The following ATP1B2 variants were observed in gnomAD, a reference collection of about 807,000 sequenced individuals.
ATP1B2 encodes the protein ATPase Na+/K+ transporting subunit beta 2.
Under a neutral mutation model 37.3 loss-of-function variants are expected in ATP1B2, and 12 were observed. The ratio of observed to expected loss-of-function variants is 0.32; its 90% CI spans 0.21 to 0.52. ATP1B2 has a LOEUF of 0.52. ATP1B2 is among the 20% of genes least tolerant of loss of function. ATP1B2 has a pLI of 0.96. For missense variants in ATP1B2, 324 were observed against 391.6 expected, an observed-to-expected ratio of 0.83 and a Z score of 1.46; for synonymous variants, 139 against 140.5, an observed-to-expected ratio of 0.99 and a Z score of 0.07.
chr17:7,650,312 G>A (rs964674919), upstream of ATP1B2, among the ~76,000 whole-genome samples: 3 of 152,126 alleles, frequency 2.0e-5, no homozygotes, highest in Admixed American at 2.0e-4. Context: ...AGATGGGGAA[G>A]CCTCTGCACG....
Position 7,654,870 on chromosome 17 carries a change from ACTC to A in ATP1B2, c.609+190_609+192del, listed in dbSNP as rs2072639545. ...GTAGCTTGAACTCCGAGGGCCCCGC[ACTC>A]CTCTTGCTTCTCTCTGGGATGCAGA... is the stretch of plus-strand genomic sequence containing the variant. On this transcript the variant is annotated intron_variant, in intron 5 of 6. Transcript: ENST00000250111. This position sits in a 1 kb window ranked among gnomAD's most constrained non-coding sequence, Gnocchi z 4.9. 11 of 618,162 alleles carry A rather than the reference ACTC, an allele frequency of 1.8e-5. No individual in the cohort carries two copies. The South Asian group carries it at 2.2e-4, about 12-fold the overall frequency. 38.3% of individuals were successfully genotyped at this position (618,162 alleles called of 1,614,324 possible).
chr17:7,651,280 C>A lies in ATP1B2; in HGVS notation c.-239C>A, dbSNP rs2072610213. ...TATTCTCCCCTGCTCTGACAGCACC[C>A]CTTTTCATCGCAGTTGGGGGGCCTA... On this transcript the variant is annotated 5_prime_UTR_variant, in exon 1 of 7. Coordinates refer to ENST00000250111, the MANE Select transcript of ATP1B2 (RefSeq NM_001678.5). 1 of 540,280 alleles carries A rather than the reference C, an allele frequency of 1.9e-6. No homozygotes were observed. The highest frequency in any genetic ancestry group is 3.1e-5 in the Admixed American group (1 of 31,780). The allele number at this position is 540,280 out of a possible 1,614,324, so 33.5% of individuals were successfully genotyped here. A position where few individuals can be genotyped will look rare whatever the true frequency, so the allele number is the denominator to read the frequency against.
At position 7,654,560 on chromosome 17, in the gene ATP1B2, C is replaced by A; in HGVS notation, c.553-68C>A. The A allele has an allele frequency of 6.5e-7, 1 of 1,538,040 alleles. No homozygotes were observed. The highest frequency in any genetic ancestry group is 9.0e-7 in the Non-Finnish European group (1 of 1,111,132). The stretch of plus-strand genomic sequence containing the variant: ...GTTGGGACTACAGTCCCCGGCTTAG[C>A]TTGGTCTGGATGCCCATCTTCGACA... On this transcript the variant is annotated intron_variant, in intron 4 of 6. Transcript: ENST00000250111. The surrounding 1 kb of genome is among the most constrained non-coding windows in gnomAD (Gnocchi z 4.9).
At position 7,655,587 on chromosome 17, in the gene ATP1B2, G is replaced by C. The variant is rs529731078; in HGVS notation, c.670G>C (p.Asp224His). ...FVMFPANGNI[D>H]LMYFPYYGKK... ...CATGTTCCCCGCCAACGGCAACATC[G>C]ACCTCATGTACTTCCCCTACTATGG... The change falls in exon 6 of 7, where the codon GAC (aspartate) becomes CAC (histidine). Residue 224 changes from aspartate to histidine, a missense_variant. Coordinates refer to ENST00000250111, the MANE Select transcript of ATP1B2 (RefSeq NM_001678.5). The surrounding 1 kb of genome is among the most constrained non-coding windows in gnomAD (Gnocchi z 4.4). 1 of 1,614,086 alleles carries C rather than the reference G, an allele frequency of 6.2e-7. No individual in the cohort carries two copies. The highest frequency in any genetic ancestry group is 1.7e-5 in the Admixed American group (1 of 60,004).
intron 1 of ATP1B2, among the ~76,000 whole-genome samples, chr17:7,652,681 G>A (rs910897161): frequency 6.6e-6 from 1 of 152,126 alleles, no homozygotes; most frequent in Admixed American, 6.5e-5. Flanking sequence ...GGGAACAGCC[G>A]GCCCTTGGGT....
At chr17:7,648,997 G>A (rs1313736833), upstream of ATP1B2, among the ~76,000 whole-genome samples, 3 of 152,052 alleles carry the variant, frequency 2.0e-5, no homozygotes, top group Admixed American at 6.6e-5. Context: ...CTTTGTCCTG[G>A]AAGACTACCT....
rs1308550325 is a variant in ATP1B2, at chr17:7,657,003, C to T, written c.*1108C>T. On this transcript the variant is annotated 3_prime_UTR_variant, in exon 7 of 7. Coordinates refer to ENST00000250111, the MANE Select transcript of ATP1B2 (RefSeq NM_001678.5). ...GCCTTCAGTTTCTTCCTAGGCCGTT[C>T]TGTCACCCAAATAGCTGCTACCCAG... The T allele has an allele frequency of 6.6e-6, 1 of 152,194 alleles. No homozygotes were observed. The highest frequency in any genetic ancestry group is 1.5e-5 in the Non-Finnish European group (1 of 68,088). The allele number at this position is 152,194 out of a possible 1,614,324, so 9.4% of individuals were successfully genotyped here. A position where few individuals can be genotyped will look rare whatever the true frequency, so the allele number is the denominator to read the frequency against.
rs751214466 is a variant in ATP1B2 at position 7,655,601 on chromosome 17, C to T, written c.684C>T (p.Phe228=). The change falls in exon 6 of 7, where the codon TTC becomes TTT. Residue 228 remains phenylalanine (F), a synonymous_variant. Transcript: ENST00000250111. This position sits in a 1 kb window ranked among gnomAD's most constrained non-coding sequence, Gnocchi z 4.4. Reference sequence around the variant, plus strand: ...ACGGCAACATCGACCTCATGTACTTCCCCTACTATGGCAAAAAGTTCCACG... The same window carrying T: ...ACGGCAACATCGACCTCATGTACTTTCCCTACTATGGCAAAAAGTTCCACG... ...PANGNIDLMY[F]PYYGKKFHVN... The T allele has an allele frequency of 1.7e-5, 27 of 1,614,198 alleles. No individual in the cohort carries two copies. The highest frequency in any genetic ancestry group is 7.7e-5 in the South Asian group (7 of 91,086).
intron 2 of ATP1B2, 77 bp downstream of exon 2, chr17:7,653,579 C>T (rs1477830496): frequency 6.4e-7 from 1 of 1,572,018 alleles, no homozygotes; most frequent in East Asian, 2.2e-5. Context: ...ACTCATAGTT[C>T]CTTCCAGGAG....
intron 3 of ATP1B2, 45 bp downstream of exon 3, chr17:7,653,990 G>C: frequency 1.9e-6 from 3 of 1,613,196 alleles, no homozygotes. Context: ...CTTCGGGCAG[G>C]GGACTGGGGA....
upstream of ATP1B2, among the ~76,000 whole-genome samples, chr17:7,647,212 A>G (rs1334853933): frequency 1.3e-5 from 2 of 151,958 alleles, no homozygotes; most frequent in Non-Finnish European, 2.9e-5. Flanking sequence ...ATGGCATTGT[A>G]GGAGGCATGG....
upstream of ATP1B2, among the ~76,000 whole-genome samples, chr17:7,649,393 T>C (rs903977903): frequency 1.3e-5 from 2 of 151,356 alleles, no homozygotes; most frequent in African/African-American, 4.9e-5. Flanking sequence ...ATTTTTTTTT[T>C]CTCTCTTTTT....
chr17:7,647,223 A>G (rs1298295401), upstream of ATP1B2, among the ~76,000 whole-genome samples: 5 of 152,024 alleles, frequency 3.3e-5, no homozygotes, highest in South Asian at 1.0e-3. Context: ...GGAGGCATGG[A>G]TGATCACCAT....
In ATP1B2 at chr17:7,651,430, T is replaced by A. The variant is rs2072611489; in HGVS notation, c.-89T>A. 2 of 1,214,200 alleles carry A rather than the reference T, an allele frequency of 1.6e-6. No individual in the cohort carries two copies. The highest frequency in any genetic ancestry group is 2.5e-4 in the Middle Eastern group (1 of 3,992). The allele number at this position is 1,214,200 out of a possible 1,614,324, so 75.2% of individuals were successfully genotyped here. A position where few individuals can be genotyped will look rare whatever the true frequency, so the allele number is the denominator to read the frequency against. On this transcript the variant is annotated 5_prime_UTR_variant, in exon 1 of 7. Transcript: ENST00000250111. The stretch of plus-strand genomic sequence containing the variant: ...CCCGCGCCGCCTTCGCTCCCCGTGC[T>A]TTTGGGTGTGTGGAGGGCTTCAGCG...
Position 7,651,213 on chromosome 17 carries a change from T to G in ATP1B2, c.-306T>G. 5 of 349,328 alleles carry G rather than the reference T, an allele frequency of 1.4e-5. No individual in the cohort carries two copies. The highest frequency in any genetic ancestry group is 2.1e-5 in the Non-Finnish European group (4 of 186,744). 21.6% of individuals were successfully genotyped at this position (349,328 alleles called of 1,614,324 possible). A position where few individuals can be genotyped will look rare whatever the true frequency, so the allele number is the denominator to read the frequency against. On this transcript the variant is annotated 5_prime_UTR_variant, in exon 1 of 7. Transcript: ENST00000250111. ...CCCATTTCGTTTTGTTTCTAGACGGTTTGGTGGGGGGTGAAGCTGCATTCA... is the reference window on the plus strand; with the variant it reads ...CCCATTTCGTTTTGTTTCTAGACGGGTTGGTGGGGGGTGAAGCTGCATTCA...
rs1475060570 is a variant in ATP1B2 at position 7,653,451 on chromosome 17, C to T, written c.190C>T (p.Gln64Ter). 6.2e-7 allele frequency: 1 copy of T among 1,614,108 alleles called. No individual in the cohort carries two copies. The highest frequency in any genetic ancestry group is 8.5e-7 in the Non-Finnish European group (1 of 1,180,002). Residue 64 changes from glutamine to a stop codon, truncating the protein, a stop_gained, in exon 2 of 7, where the codon CAG becomes TAG. Transcript: ENST00000250111. LOFTEE classifies it high-confidence loss of function. ...CACCCTCACCATGTGGGTGATGCTG[C>T]AGACTGTCTCCGACCATACCCCCAA... ...MFTLTMWVML[Q>*]TVSDHTPKYQ...
chr17:7,647,587 G>A (rs889187142), upstream of ATP1B2, among the ~76,000 whole-genome samples: 26 of 152,276 alleles, frequency 1.7e-4, no homozygotes, highest in Non-Finnish European at 3.1e-4. Flanking sequence ...TTGGGAGGCC[G>A]AGGTGGGCGG....
At chr17:7,648,124 C>G (rs1021785398), upstream of ATP1B2, among the ~76,000 whole-genome samples, 6 of 151,840 alleles carry the variant, frequency 4.0e-5, no homozygotes, top group Non-Finnish European at 8.8e-5. Flanking sequence ...CCTGTAATCC[C>G]AGCTACTCAA....
In ATP1B2 at chr17:7,654,096, C is replaced by T. The variant is rs746382385; in HGVS notation, c.391C>T (p.Pro131Ser). 11 of 1,614,176 alleles carry T rather than the reference C, an allele frequency of 6.8e-6. No individual in the cohort carries two copies. The highest frequency in any genetic ancestry group is 8.5e-6 in the Non-Finnish European group (10 of 1,180,040). ...AGCCCAAAAGAATGATGTCTGCCGCCCTGGACGCTATTACGAACAGCCAGA... is the reference window on the plus strand; with the variant it reads ...AGCCCAAAAGAATGATGTCTGCCGCTCTGGACGCTATTACGAACAGCCAGA... ...IQAQKNDVCR[P>S]GRYYEQPDNG... The change falls in exon 4 of 7, where the codon CCT (proline) becomes TCT (serine). Residue 131 changes from proline to serine, a missense_variant. Pro to Ser is a moderately conservative substitution (Grantham distance 74, BLOSUM62 -1). Transcript: ENST00000250111. The surrounding 1 kb of genome is among the most constrained non-coding windows in gnomAD (Gnocchi z 4.9).
Sources: gnomAD v4.1 joint callset for allele counts (sites outside exome capture counted in the v4.1 genomes callset) on GRCh38, gnomAD v4.1.1 for gene constraint, Gnocchi (gnomAD v3.1) non-coding constraint, MANE v1.5 for transcripts, NCBI Gene and HGNC (gene_info 2026-07-23, HGNC 2026-07-21) for gene names.